Variants in LRRC20 observed in about 807,000 individuals in gnomAD.
LRRC20 encodes the protein leucine-rich repeat-containing protein 20.
A neutral mutation model predicts 14.4 loss-of-function variants in LRRC20; 11 were observed. That is an observed-to-expected ratio of 0.77 (90% CI 0.48 to 1.27). LRRC20 has a LOEUF of 1.27. Ranked by LOEUF, LRRC20 falls within the 50% of genes most tolerant of loss-of-function variation. LRRC20 has a pLI of 0.00. For missense variants in LRRC20, 219 were observed against 251.2 expected, an observed-to-expected ratio of 0.87 and a Z score of 0.87; for synonymous variants, 121 against 107.3, an observed-to-expected ratio of 1.13 and a Z score of -0.79.
chr10:70,360,287 C>T (rs1205876069), intron 2 of LRRC20, among the ~76,000 whole-genome samples: 1 of 152,072 alleles, frequency 6.6e-6, no homozygotes, highest in African/African-American at 2.4e-5. Flanking sequence ...AAATACCTGG[C>T]CTCAAGTGAT....
At chr10:70,366,203 A>G (rs1254816008) in intron 2 of LRRC20, among the ~76,000 whole-genome samples, 1 of 151,980 alleles carries the variant, frequency 6.6e-6, no homozygotes. Flanking sequence ...CAGGCAGATC[A>G]CCTGAGGTCA....
chr10:70,323,230 G>A (rs374579968), intron 4 of LRRC20, among the ~76,000 whole-genome samples: 44 of 152,054 alleles, frequency 2.9e-4, no homozygotes, highest in East Asian at 9.7e-4. Flanking sequence ...GTTGAGGCTC[G>A]GCTCTCTGAG....
intron 4 of LRRC20, among the ~76,000 whole-genome samples, chr10:70,320,223 C>A (rs1209534949): frequency 6.6e-6 from 1 of 152,020 alleles, no homozygotes; most frequent in African/African-American, 2.4e-5. Flanking sequence ...TGCAGGACAA[C>A]TCATAAGAGT....
chr10:70,341,818 GC>G (rs1483688848), intron 2 of LRRC20, among the ~76,000 whole-genome samples: 2 of 152,088 alleles, frequency 1.3e-5, no homozygotes, highest in Admixed American at 1.3e-4. Context: ...GTATGTTATA[GC>G]AGCTATAGCA....
intron 4 of LRRC20, among the ~76,000 whole-genome samples, chr10:70,310,864 C>T (rs532981499): frequency 3.9e-4 from 60 of 152,364 alleles, no homozygotes; most frequent in South Asian, 1.0e-3. Flanking sequence ...GACACGTATC[C>T]TAGTCTTCCC....
chr10:70,310,559 C>T (rs1332015017), intron 4 of LRRC20, among the ~76,000 whole-genome samples: 1 of 152,228 alleles, frequency 6.6e-6, no homozygotes, highest in African/African-American at 2.4e-5. Context: ...ATGCACCATG[C>T]CCTGCAACCT....
intron 2 of LRRC20, among the ~76,000 whole-genome samples, chr10:70,344,424 A>C (rs981333049): frequency 1.3e-5 from 2 of 152,254 alleles, no homozygotes; most frequent in African/African-American, 4.8e-5. Flanking sequence ...AGGCAATGAT[A>C]TTCCTATGCA....
chr10:70,307,715 T>C (rs910530431), intron 4 of LRRC20, among the ~76,000 whole-genome samples: 1 of 152,204 alleles, frequency 6.6e-6, no homozygotes, highest in Admixed American at 6.5e-5. Context: ...GTTATTAAGA[T>C]AAACAAGCTC....
chr10:70,367,380 G>C (rs1415060012), intron 2 of LRRC20, among the ~76,000 whole-genome samples: 2 of 135,188 alleles, frequency 1.5e-5, no homozygotes, highest in Admixed American at 7.5e-5. Context: ...AGAAAACTTT[G>C]CTTCACAGCA....
intron 3 of LRRC20, among the ~76,000 whole-genome samples, chr10:70,327,803 C>G (rs942232587): frequency 6.6e-6 from 1 of 152,146 alleles, no homozygotes; most frequent in Non-Finnish European, 1.5e-5. Context: ...AACCCCCAAA[C>G]CAGGATGTGA....
intron 3 of LRRC20, among the ~76,000 whole-genome samples, chr10:70,339,954 C>A (rs1467781626): frequency 6.6e-6 from 1 of 151,928 alleles, no homozygotes; most frequent in Non-Finnish European, 1.5e-5. Context: ...AACCCCACCT[C>A]TATTAAAAAT....
chr10:70,354,065 A>G (rs1843430471), intron 2 of LRRC20, among the ~76,000 whole-genome samples: 2 of 152,096 alleles, frequency 1.3e-5, no homozygotes, highest in African/African-American at 2.4e-5. Context: ...GTAAATTGCA[A>G]CTGATCATCT....
Position 70,301,261 on chromosome 10 carries a change from C to T in LRRC20, c.*93G>A, listed in dbSNP as rs3750765. 0.062 allele frequency: 92,068 copies of T among 1,477,602 alleles called. 3,206 individuals are homozygous for T. The highest frequency in any genetic ancestry group is 0.11 in the East Asian group (4,730 of 42,240). The allele number at this position is 1,477,602 out of a possible 1,614,324, so 91.5% of individuals were successfully genotyped here. The stretch of plus-strand genomic sequence containing the variant: ...TGCTGCTCGGCCCACCCGCCCCCAG[C>T]CCCCAGGCTTGGCCTCCCATGGGCC... On this transcript the variant is annotated 3_prime_UTR_variant, in exon 5 of 5. Transcript: ENST00000446961.
intron 2 of LRRC20, among the ~76,000 whole-genome samples, chr10:70,347,419 G>GT (rs1843114896): frequency 6.6e-6 from 1 of 152,068 alleles, no homozygotes; most frequent in African/African-American, 2.4e-5. Context: ...TCTTTCCGGA[G>GT]TAGATCAGCC....
intron 2 of LRRC20, among the ~76,000 whole-genome samples, chr10:70,342,832 A>G (rs773745968): frequency 1.3e-5 from 2 of 151,680 alleles, no homozygotes; most frequent in Non-Finnish European, 2.9e-5. Flanking sequence ...TCAGCCCCCA[A>G]CCTCGAACCC....
chr10:70,322,248 T>A (rs1842113611), intron 4 of LRRC20, among the ~76,000 whole-genome samples: 2 of 152,220 alleles, frequency 1.3e-5, no homozygotes, highest in African/African-American at 4.8e-5. Flanking sequence ...ACAGTTAGGA[T>A]ATGGGGAAGC....
intron 3 of LRRC20, among the ~76,000 whole-genome samples, chr10:70,328,279 T>C (rs912079824): frequency 8.5e-5 from 9 of 105,448 alleles, no homozygotes; most frequent in African/African-American, 3.0e-4. Context: ...GTAAAAAGGG[T>C]AATCTTTGTT....
At chr10:70,347,588 G>A (rs192047317) in intron 2 of LRRC20, among the ~76,000 whole-genome samples, 148 of 152,190 alleles carry the variant, frequency 9.7e-4, no homozygotes, top group African/African-American at 3.4e-3. Context: ...GGGAGGCCGA[G>A]GCGGGCAAAT....
intron 1 of LRRC20, among the ~76,000 whole-genome samples, chr10:70,377,762 CAAGGCCAAGCCAGGG>C (rs1369041868): frequency 1.3e-5 from 2 of 152,326 alleles, no homozygotes; most frequent in East Asian, 1.9e-4. Flanking sequence ...GCAGGGCAGG[CAAGGCCAAGCCAGGG>C]CTGGCCAAGC....
Sources: allele counts gnomAD v4.1 joint callset (sites outside exome capture counted in the v4.1 genomes callset), GRCh38; gene constraint gnomAD v4.1.1; transcripts MANE v1.5; gene names NCBI Gene and HGNC (gene_info 2026-07-23, HGNC 2026-07-21).